The following MYO7B variants were observed in gnomAD, a reference collection of about 807,000 sequenced individuals.
The protein encoded by MYO7B is unconventional myosin-VIIb.
A neutral mutation model predicts 259.7 loss-of-function variants in MYO7B; 212 were observed. The observed-to-expected ratio is 0.82, with a 90% CI of 0.73 to 0.91. The LOEUF (loss-of-function observed/expected upper bound fraction) is 0.91, where lower values mean the gene tolerates loss of function less well. Among genes scored for constraint, MYO7B ranks in the 40% least tolerant of loss-of-function variants. The pLI, the probability that MYO7B is intolerant of heterozygous loss-of-function variation, is 0.00. For synonymous variants in MYO7B, 1,197 were observed against 1,166.4 expected, an observed-to-expected ratio of 1.03 and a Z score of -0.54; for missense variants, 2,732 against 2,813.5, an observed-to-expected ratio of 0.97 and a Z score of 0.66.
intron 26 of MYO7B, among the ~76,000 whole-genome samples, 159 bp downstream of exon 26, chr2:127,612,762 G>A (rs775150837): frequency 2.0e-5 from 3 of 152,180 alleles, no homozygotes; most frequent in Non-Finnish European, 4.4e-5. Flanking sequence ...GCTACCGAGG[G>A]TTCTCTATGT....
rs1679514249 is a variant in MYO7B at position 127,590,449 on chromosome 2, T to A, written c.1992+220T>A. Among the ~76,000 whole-genome samples, 1 of 152,238 alleles carries A rather than the reference T, an allele frequency of 6.6e-6. No individual in the cohort carries two copies. The highest frequency in any genetic ancestry group is 6.5e-5 in the Admixed American group (1 of 15,292). On this transcript the variant is annotated intron_variant, in intron 16 of 47. Transcript: ENST00000409816. The surrounding 1 kb of genome is among the most constrained non-coding windows in gnomAD (Gnocchi z 4.6). ...TTGCTGAGACCTCAGTTCCCTTAGC[T>A]CCGCCATGCATCTTCTGTGCGTTCT...
At chr2:127,618,787 A>T (rs1299802400) in intron 26 of MYO7B, among the ~76,000 whole-genome samples, 1 of 152,196 alleles carries the variant, frequency 6.6e-6, no homozygotes, top group Non-Finnish European at 1.5e-5. Context: ...GCAAGAGAGG[A>T]TCTTGATCAT....
intron 27 of MYO7B, among the ~76,000 whole-genome samples, chr2:127,621,309 G>C (rs895138916): frequency 1.3e-5 from 2 of 149,664 alleles, no homozygotes; most frequent in African/African-American, 4.9e-5. Flanking sequence ...TGTCGCCCAG[G>C]CCAGAGTGCA....
chr2:127,578,141 C>T lies in MYO7B; in HGVS notation c.858C>T (p.Cys286=). The T allele has an allele frequency of 6.2e-7, 1 of 1,613,748 alleles. No homozygotes were observed. The highest frequency in any genetic ancestry group is 8.5e-7 in the Non-Finnish European group (1 of 1,179,856). The stretch of plus-strand genomic sequence containing the variant: ...GGCACCCTGTCCCTCAGGGGAACTG[C>T]ACTTCCTGTGAGGGGCTCAACGACG... ...SEYHYLTMGN[C]TSCEGLNDAK... The change falls in exon 9 of 48, where the codon TGC becomes TGT. Residue 286 remains cysteine (C), a synonymous_variant. Coordinates refer to ENST00000409816, the MANE Select transcript of MYO7B (RefSeq NM_001393586.1).
At chr2:127,551,676 G>T (rs771194210) in intron 1 of MYO7B, among the ~76,000 whole-genome samples, 47 of 152,250 alleles carry the variant, frequency 3.1e-4, no homozygotes, top group Non-Finnish European at 5.6e-4. Flanking sequence ...AGAAGGCAGG[G>T]CTGGAAGGAT....
chr2:127,630,753 A>C (rs779578570), intron 35 of MYO7B, 25 bp from the exon 36 acceptor site: 1 of 1,609,888 alleles, frequency 6.2e-7, no homozygotes, highest in South Asian at 1.1e-5. Flanking sequence ...GCTCCTGGGC[A>C]CCCACAGGCC....
Position 127,615,527 on chromosome 2 carries a change from G to A in MYO7B, c.3398+2924G>A, listed in dbSNP as rs1214892524. ...GAATGAGCAGGGAGGAGGAGGTAAC[G>A]ATTGGTCAGCTGCTTAATTGATCAC... is the stretch of plus-strand genomic sequence containing the variant. On this transcript the variant is annotated intron_variant, in intron 26 of 47. Transcript: ENST00000409816. This position sits in a 1 kb window ranked among gnomAD's most constrained non-coding sequence, Gnocchi z 4.4. Among the ~76,000 whole-genome samples, 1 of 152,064 alleles carries A rather than the reference G, an allele frequency of 6.6e-6. No individual in the cohort carries two copies. Among genetic ancestry groups the A allele is most frequent in the African/African-American group, 2.4e-5 (1 of 41,394 alleles).
At chr2:127,608,569 C>T in intron 21 of MYO7B, 139 bp from the exon 22 acceptor site, 1 of 934,794 alleles carries the variant, frequency 1.1e-6, no homozygotes, top group Non-Finnish European at 1.6e-6. Context: ...TGTTTCAGAG[C>T]AGAATATTGA....
chr2:127,635,687 G>A (rs756291632), intron 43 of MYO7B, 35 bp from the exon 44 acceptor site: 82 of 1,571,142 alleles, frequency 5.2e-5, no homozygotes, highest in Middle Eastern at 1.7e-4. Context: ...GGCCGCAGCT[G>A]GAGACCCAGC....
In MYO7B at chr2:127,574,977, C is replaced by T. The variant is rs1281213533; in HGVS notation, c.735+915C>T. On this transcript the variant is annotated intron_variant, in intron 7 of 47. Transcript: ENST00000409816. ...GTGTGTGAGTGTAAGGGGGTGCTCT[C>T]GTATGATGGCATAACACCTAACACA... Among the ~76,000 whole-genome samples the T allele has an allele frequency of 2.6e-5, 4 of 152,100 alleles. No individual in the cohort carries two copies. The East Asian group carries it at 5.8e-4, about 22-fold the overall frequency.
intron 1 of MYO7B, among the ~76,000 whole-genome samples, chr2:127,550,594 T>C (rs994443367): frequency 2.7e-5 from 4 of 147,972 alleles, no homozygotes; most frequent in Non-Finnish European, 5.9e-5. Context: ...GATTTAGTGG[T>C]GCCCCAGAAG....
In MYO7B at chr2:127,597,624, T is replaced by C. The variant is rs905643136; in HGVS notation, c.2339+1068T>C. On this transcript the variant is annotated intron_variant, in intron 19 of 47. Transcript: ENST00000409816. This position sits in a 1 kb window ranked among gnomAD's most constrained non-coding sequence, Gnocchi z 4.8. ...TTGCTTGCATTAATATTTATTTATT[T>C]ATTTATTTATTTATTTATTTATTTA... 4.0e-5 allele frequency among the ~76,000 whole-genome samples: 6 copies of C among 150,718 alleles called. No homozygotes were observed. Among genetic ancestry groups the C allele is most frequent in the Non-Finnish European group, 5.9e-5 (4 of 67,774 alleles).
At position 127,637,361 on chromosome 2, in the gene MYO7B, C is replaced by G; in HGVS notation, c.6373C>G (p.Leu2125Val). 1 of 1,593,644 alleles carries G rather than the reference C, an allele frequency of 6.3e-7. No homozygotes were observed. Among genetic ancestry groups the G allele is most frequent in the South Asian group, 1.1e-5 (1 of 87,482 alleles). Reference protein sequence around the residue: ...DLLTSYVQQLLSAMNKQRGSK... With the variant: ...DLLTSYVQQLVSAMNKQRGSK... ...GCTGACCTCATATGTGCAGCAGCTC[C>G]TGAGTGCCATGAACAAGCAGCGGGG... Residue 2125 changes from leucine (L) to valine (V), a missense_variant, in exon 48 of 48, where the codon CTG becomes GTG. Transcript: ENST00000409816.
chr2:127,634,726 G>A (rs1193212534), intron 42 of MYO7B, 43 bp downstream of exon 42: 2 of 1,530,932 alleles, frequency 1.3e-6, no homozygotes, highest in South Asian at 1.2e-5. Flanking sequence ...GTGGCTGGGT[G>A]GGTCGAGGGG....
Position 127,609,680 on chromosome 2 carries a change from C to T in MYO7B, c.2989C>T (p.Pro997Ser). 6.2e-7 allele frequency: 1 copy of T among 1,613,974 alleles called. No homozygotes were observed. The highest frequency in any genetic ancestry group is 8.5e-7 in the Non-Finnish European group (1 of 1,179,884). ...ACACATCCGGCGGCCCCTCCGATAC[C>T]CGTTGCTTTACCACGAAGATGACAC... ...HTHIRRPLRY[P>S]LLYHEDDTDC... Residue 997 changes from proline to serine, a missense_variant, in exon 23 of 48, where the codon CCG (proline) becomes TCG (serine). Transcript: ENST00000409816. This position sits in a 1 kb window ranked among gnomAD's most constrained non-coding sequence, Gnocchi z 6.9.
intron 28 of MYO7B, 83 bp downstream of exon 28, chr2:127,622,184 TCTC>T: frequency 6.8e-7 from 1 of 1,460,230 alleles, no homozygotes; most frequent in South Asian, 1.4e-5. Context: ...TGGGGTGCCT[TCTC>T]CTAGGACAGA....
rs770812188 is a variant in MYO7B, at chr2:127,631,467, G to A, written c.5095+104G>A. On this transcript the variant is annotated intron_variant, in intron 37 of 47. Transcript: ENST00000409816. ...TGCTCTAGGGCAGGAGAGCCCAGGA[G>A]ATCTGAGAAACCTGGAGTGGCGGGA... 110 of 1,542,274 alleles carry A rather than the reference G, an allele frequency of 7.1e-5. 1 individual carries two copies. Among genetic ancestry groups the A allele is most frequent in the Non-Finnish European group, 9.1e-5 (104 of 1,139,406 alleles).
intron 1 of MYO7B, among the ~76,000 whole-genome samples, chr2:127,538,427 T>G (rs561782556): frequency 6.6e-6 from 1 of 152,294 alleles, no homozygotes; most frequent in East Asian, 1.9e-4. Context: ...CTCATTTAAA[T>G]TTAAATAGCC....
At position 127,609,061 on chromosome 2, in the gene MYO7B, G is replaced by C. The variant is rs2252610; in HGVS notation, c.2814+183G>C. On this transcript the variant is annotated intron_variant, in intron 22 of 47. Coordinates refer to ENST00000409816, the MANE Select transcript of MYO7B (RefSeq NM_001393586.1). The surrounding 1 kb of genome is among the most constrained non-coding windows in gnomAD (Gnocchi z 6.9). Reference sequence around the variant, plus strand: ...CGTGGGTTCTGTGGTCAAAGCCTTCGAGTCAGGCAGGCTTCCCACCTGCAA... The same window carrying C: ...CGTGGGTTCTGTGGTCAAAGCCTTCCAGTCAGGCAGGCTTCCCACCTGCAA... Among the ~76,000 whole-genome samples, 52,306 of 152,034 alleles carry C rather than the reference G, an allele frequency of 0.34. 9,282 individuals carry two copies. The highest frequency in any genetic ancestry group is 0.38 in the South Asian group (1,853 of 4,822).
Sources: gnomAD v4.1 joint callset for allele counts (sites outside exome capture counted in the v4.1 genomes callset) on GRCh38, gnomAD v4.1.1 for gene constraint, Gnocchi (gnomAD v3.1) non-coding constraint, MANE v1.5 for transcripts, NCBI Gene and HGNC (gene_info 2026-07-23, HGNC 2026-07-21) for gene names.